Variants in UNC5D observed in about 807,000 individuals in gnomAD.
UNC5D encodes netrin receptor UNC5D.
A neutral mutation model predicts 105.4 loss-of-function variants in UNC5D; 39 were observed. The observed-to-expected ratio is 0.37, with a 90% confidence interval of 0.29 to 0.48. The LOEUF (loss-of-function observed/expected upper bound fraction) is 0.48. Ranked by LOEUF, UNC5D falls within the 20% of genes least tolerant of loss-of-function variation. The probability of loss-of-function intolerance (pLI) is 0.98; values close to 1 mark genes in which losing one functional copy is unlikely to be tolerated. For missense variants in UNC5D, 991 were observed against 1,202.4 expected (o/e 0.82, Z 2.60); for synonymous variants, 452 against 450.4 (o/e 1.00, Z -0.04).
chr8:35,335,255 C>G (rs963703460), intron 1 of UNC5D, among the ~76,000 whole-genome samples: 1 of 152,118 alleles, frequency 6.6e-6, no homozygotes, highest in Non-Finnish European at 1.5e-5. Context: ...ATGTGCAAAC[C>G]TTTGTGTGGT....
intron 1 of UNC5D, among the ~76,000 whole-genome samples, chr8:35,236,182 A>G (rs952915795): frequency 5.3e-5 from 8 of 152,120 alleles, no homozygotes; most frequent in Non-Finnish European, 8.8e-5. Flanking sequence ...AGACTGGAGT[A>G]GCCCGGTCTT....
chr8:35,485,980 C>A (rs564866786), intron 1 of UNC5D, among the ~76,000 whole-genome samples: 6 of 152,088 alleles, frequency 3.9e-5, no homozygotes, highest in Non-Finnish European at 8.8e-5. Flanking sequence ...CTGCAGCTTG[C>A]GGATCACATG....
chr8:35,437,868 T>TG (rs928652653), intron 1 of UNC5D, among the ~76,000 whole-genome samples: 4 of 151,890 alleles, frequency 2.6e-5, no homozygotes, highest in Non-Finnish European at 4.4e-5. Flanking sequence ...TTGATTTTTT[T>TG]TTTTTGTCTT....
intron 1 of UNC5D, among the ~76,000 whole-genome samples, chr8:35,423,456 C>A (rs1806042123): frequency 1.3e-5 from 2 of 152,180 alleles, no homozygotes; most frequent in Admixed American, 1.3e-4. Context: ...AAGCCCTGGT[C>A]TTTTCCCTGA....
intron 11 of UNC5D, 32 bp downstream of exon 11, chr8:35,731,128 G>T (rs1225631791): frequency 6.2e-7 from 1 of 1,604,690 alleles, no homozygotes. Context: ...ATTAAAGAAA[G>T]TGGCTCACGC....
In UNC5D at chr8:35,792,407, G is replaced by A. The variant is rs1803084339; in HGVS notation, c.*1844G>A. 1 of 152,252 alleles carries A rather than the reference G, an allele frequency of 6.6e-6. No homozygotes were observed. The highest frequency in any genetic ancestry group is 1.5e-5 in the Non-Finnish European group (1 of 68,182). 9.4% of individuals were successfully genotyped at this position (152,252 alleles called of 1,614,324 possible). A position where few individuals can be genotyped will look rare whatever the true frequency, so the allele number is the denominator to read the frequency against. On this transcript the variant is annotated 3_prime_UTR_variant, in exon 17 of 17. Coordinates refer to ENST00000404895, the MANE Select transcript of UNC5D (RefSeq NM_080872.4). ...TTCAAAAGCATCTCGCTTTTCTCAG[G>A]AACCAAAGGCTTATGATGTAGGACA...
chr8:35,458,999 G>A (rs1249368320), intron 1 of UNC5D, among the ~76,000 whole-genome samples: 3 of 151,938 alleles, frequency 2.0e-5, no homozygotes, highest in East Asian at 1.9e-4. Context: ...TCTGTTTTTT[G>A]TGCCTCCTTT....
At chr8:35,296,316 C>T (rs952599175) in intron 1 of UNC5D, among the ~76,000 whole-genome samples, 9 of 152,292 alleles carry the variant, frequency 5.9e-5, no homozygotes, top group African/African-American at 2.2e-4. Flanking sequence ...CCTTTGACAA[C>T]ACTTGTTATC....
intron 1 of UNC5D, among the ~76,000 whole-genome samples, chr8:35,470,811 T>TAAATAAATAAAA (rs1419775215): frequency 1.5e-5 from 2 of 136,404 alleles, no homozygotes; most frequent in African/African-American, 5.4e-5. Flanking sequence ...AATAAATAAA[T>TAAATAAATAAAA]AAAATAAAAA....
At chr8:35,540,220 ACTCCAT>A (rs1815169176) in intron 1 of UNC5D, among the ~76,000 whole-genome samples, 1 of 151,878 alleles carries the variant, frequency 6.6e-6, no homozygotes, top group Non-Finnish European at 1.5e-5. Context: ...CAATTTATAA[ACTCCAT>A]CTCCATATTC....
chr8:35,641,842 C>T (rs1822768211), intron 4 of UNC5D, among the ~76,000 whole-genome samples: 1 of 152,094 alleles, frequency 6.6e-6, no homozygotes, highest in Admixed American at 6.6e-5. Flanking sequence ...CAAGTGCTGT[C>T]TTAAGATTGT....
chr8:35,449,317 C>T (rs1807995024), intron 1 of UNC5D, among the ~76,000 whole-genome samples: 1 of 152,090 alleles, frequency 6.6e-6, no homozygotes. Flanking sequence ...GCTCCCTCAC[C>T]ATGAGACCTT....
chr8:35,355,745 C>A (rs1801515830), intron 1 of UNC5D, among the ~76,000 whole-genome samples: 1 of 152,044 alleles, frequency 6.6e-6, no homozygotes, highest in Non-Finnish European at 1.5e-5. Context: ...AGGATGGAAC[C>A]CTCATGAATG....
chr8:35,244,003 C>T (rs962117685), intron 1 of UNC5D, among the ~76,000 whole-genome samples: 4 of 152,138 alleles, frequency 2.6e-5, no homozygotes, highest in Non-Finnish European at 5.9e-5. Flanking sequence ...ATACTAAGGC[C>T]TACATTCCTA....
At chr8:35,768,115 C>G (rs894874321) in intron 15 of UNC5D, among the ~76,000 whole-genome samples, 2 of 151,540 alleles carry the variant, frequency 1.3e-5, no homozygotes, top group African/African-American at 4.8e-5. Context: ...AGGTTTTTTC[C>G]TGGATAATTT....
intron 3 of UNC5D, among the ~76,000 whole-genome samples, chr8:35,571,534 A>G (rs1310885434): frequency 6.6e-6 from 1 of 152,152 alleles, no homozygotes; most frequent in African/African-American, 2.4e-5. Context: ...TAATGGCATC[A>G]AAAGTCAGGG....
intron 3 of UNC5D, among the ~76,000 whole-genome samples, chr8:35,587,984 A>ATG (rs1290349910): frequency 1.4e-5 from 2 of 142,038 alleles, no homozygotes; most frequent in Non-Finnish European, 3.1e-5. Context: ...ATATATATAT[A>ATG]TATATATATA....
chr8:35,445,233 C>G (rs558960284), intron 1 of UNC5D, among the ~76,000 whole-genome samples: 12 of 152,072 alleles, frequency 7.9e-5, no homozygotes, highest in African/African-American at 2.6e-4. Context: ...CCTAGTCATT[C>G]AGTAAACACA....
intron 1 of UNC5D, among the ~76,000 whole-genome samples, chr8:35,405,371 A>G (rs542099994): frequency 3.9e-5 from 6 of 152,344 alleles, no homozygotes; most frequent in East Asian, 3.9e-4. Flanking sequence ...CTGAAATTCC[A>G]TAGACTGAAT....
Sources: allele counts gnomAD v4.1 joint callset (sites outside exome capture counted in the v4.1 genomes callset), GRCh38; gene constraint gnomAD v4.1.1; transcripts MANE v1.5; gene names NCBI Gene and HGNC (gene_info 2026-07-23, HGNC 2026-07-21).